The following MCC variants were observed in gnomAD, a reference collection of about 807,000 sequenced individuals.
MCC encodes the protein MCC regulator of Wnt signaling pathway.
MCC carries 90 observed loss-of-function variants against 116.2 expected under a neutral mutation model. The ratio of observed to expected loss-of-function variants is 0.77; its 90% CI spans 0.65 to 0.92. MCC has a LOEUF of 0.92. Among genes scored for constraint, MCC ranks in the 40% least tolerant of loss-of-function variants. The pLI is 0.00. For synonymous variants in MCC, 578 were observed against 510.5 expected (o/e 1.13, Z -1.78); for missense variants, 1,516 against 1,312.2 (o/e 1.16, Z -2.40).
intron 1 of MCC, among the ~76,000 whole-genome samples, chr5:113,481,827 T>C (rs1772386323): frequency 6.6e-6 from 1 of 152,226 alleles, no homozygotes; most frequent in Non-Finnish European, 1.5e-5. Flanking sequence ...CCACTGTTTT[T>C]TACTATATTC....
rs1757164511 is a variant in MCC, at chr5:113,112,628, A to G, written c.1028-8273T>C. Reference sequence around the variant, plus strand: ...GTGAAAACGGACTAATACAGCCTTGAAATCTCATTTTCCAGGAAGCCTTCC... The same window carrying G: ...GTGAAAACGGACTAATACAGCCTTGGAATCTCATTTTCCAGGAAGCCTTCC... On this transcript the variant is annotated intron_variant, in intron 6 of 18. Coordinates refer to ENST00000408903, the MANE Select transcript of MCC (RefSeq NM_001085377.2). 2.0e-5 allele frequency among the ~76,000 whole-genome samples: 3 copies of G among 152,168 alleles called. No homozygotes were observed. In the South Asian group the frequency reaches 6.2e-4, roughly 32 times the overall value.
At chr5:113,458,338 A>G (rs1771639290) in intron 1 of MCC, among the ~76,000 whole-genome samples, 1 of 152,000 alleles carries the variant, frequency 6.6e-6, no homozygotes, top group African/African-American at 2.4e-5. Flanking sequence ...GTGCCGCCTT[A>G]AGAGCTGTAA....
At chr5:113,294,695 G>C (rs1163782182) in intron 3 of MCC, 3 of 1,028,356 alleles carry the variant, frequency 2.9e-6, no homozygotes, top group Non-Finnish European at 3.5e-6. Context: ...TTCCGGGGCA[G>C]TGCCACCCTG....
chr5:113,358,147 G>A (rs1768459269), intron 2 of MCC, among the ~76,000 whole-genome samples: 2 of 152,142 alleles, frequency 1.3e-5, no homozygotes, highest in Admixed American at 6.6e-5. Flanking sequence ...TTATTGTAAA[G>A]AAAATGAAAA....
intron 9 of MCC, among the ~76,000 whole-genome samples, chr5:113,084,785 G>C (rs1464727875): frequency 6.6e-6 from 1 of 152,214 alleles, no homozygotes; most frequent in Non-Finnish European, 1.5e-5. Context: ...TCAGTCTTGT[G>C]AGTGGGGAGA....
intron 6 of MCC, among the ~76,000 whole-genome samples, chr5:113,119,026 C>G (rs1044665579): frequency 1.3e-5 from 2 of 152,224 alleles, no homozygotes; most frequent in Non-Finnish European, 2.9e-5. Context: ...CACTGCAGGC[C>G]TGCTATGGAG....
At chr5:113,197,823 C>T (rs1762486933) in intron 3 of MCC, among the ~76,000 whole-genome samples, 1 of 152,228 alleles carries the variant, frequency 6.6e-6, no homozygotes, top group African/African-American at 2.4e-5. Flanking sequence ...AGGACTTGAG[C>T]CCAAGGTGGC....
chr5:113,070,321 A>G lies in MCC; in HGVS notation c.1925+773T>C, dbSNP rs1000739244. ...ACACTAATAAAAGAAACCTATGATG[A>G]TAATAATAAGGCATAGTTTTGCAGC... is the stretch of plus-strand genomic sequence containing the variant. On this transcript the variant is annotated intron_variant, in intron 12 of 18. Transcript: ENST00000408903. 7.9e-5 allele frequency among the ~76,000 whole-genome samples: 12 copies of G among 152,238 alleles called. 1 individual carries two copies. The highest frequency in any genetic ancestry group is 7.9e-4 in the Admixed American group (12 of 15,282).
chr5:113,414,668 T>A (rs1052579370), intron 1 of MCC, among the ~76,000 whole-genome samples: 2 of 152,206 alleles, frequency 1.3e-5, no homozygotes, highest in African/African-American at 2.4e-5. Flanking sequence ...TCTCCGCACA[T>A]GAGATGGGTC....
chr5:113,294,237 G>A (rs1279264855), intron 3 of MCC: 3 of 1,511,668 alleles, frequency 2.0e-6, no homozygotes, highest in Non-Finnish European at 2.7e-6. Flanking sequence ...AGGGGGATAG[G>A]GTGTAGGGCT....
chr5:113,064,329 C>T (rs1427785628), intron 13 of MCC, among the ~76,000 whole-genome samples, 162 bp from the exon 14 acceptor site: 1 of 152,216 alleles, frequency 6.6e-6, no homozygotes, highest in African/African-American at 2.4e-5. Flanking sequence ...CTGGGCCTGG[C>T]ACTATCACTT....
chr5:113,207,465 G>A (rs1398801172), intron 3 of MCC, among the ~76,000 whole-genome samples: 2 of 136,138 alleles, frequency 1.5e-5, no homozygotes, highest in African/African-American at 2.7e-5. Context: ...AGGGTGGGGG[G>A]TGGGGTGGGC....
chr5:113,454,310 G>A (rs1208206483), intron 1 of MCC, among the ~76,000 whole-genome samples: 4 of 152,008 alleles, frequency 2.6e-5, no homozygotes, highest in Non-Finnish European at 5.9e-5. Context: ...TTACTTTGTT[G>A]CCCAGGCTCG....
At chr5:113,253,209 G>A (rs773829081) in intron 3 of MCC, among the ~76,000 whole-genome samples, 16 of 152,150 alleles carry the variant, frequency 1.1e-4, no homozygotes, top group Non-Finnish European at 1.5e-4. Flanking sequence ...CAAGAATGGA[G>A]GTGGAAGTTG....
At chr5:113,321,571 G>C (rs986210020) in intron 3 of MCC, among the ~76,000 whole-genome samples, 1 of 152,234 alleles carries the variant, frequency 6.6e-6, no homozygotes, top group Non-Finnish European at 1.5e-5. Context: ...TTCTCAATTA[G>C]AGAATTGAGA....
intron 8 of MCC, among the ~76,000 whole-genome samples, chr5:113,089,317 G>A (rs1755434742): frequency 6.6e-6 from 1 of 152,166 alleles, no homozygotes. Flanking sequence ...AAATAAAGAG[G>A]AAAAGATAAT....
intron 2 of MCC, among the ~76,000 whole-genome samples, chr5:113,384,273 C>T (rs1047033977): frequency 1.1e-4 from 16 of 152,218 alleles, no homozygotes; most frequent in African/African-American, 2.9e-4. Context: ...TTATAGAAAA[C>T]GATTTTAATC....
In MCC at chr5:113,297,459, G is replaced by A. The variant is rs371508310; in HGVS notation, c.627+43060C>T. On this transcript the variant is annotated intron_variant, in intron 3 of 18. Transcript: ENST00000408903. The stretch of plus-strand genomic sequence containing the variant: ...CAGGTGCCTGTAATCCCAGCTACTC[G>A]GGAGGCTGAGAAGGAGAATCGCTTG... 4.6e-5 allele frequency among the ~76,000 whole-genome samples: 7 copies of A among 152,154 alleles called. No individual in the cohort carries two copies. In the East Asian group the frequency reaches 5.8e-4, roughly 13 times the overall value.
rs566922270 is a variant in MCC, at chr5:113,306,296, G to A, written c.627+34223C>T. Among the ~76,000 whole-genome samples, 18 of 152,114 alleles carry A rather than the reference G, an allele frequency of 1.2e-4. No homozygotes were observed. The South Asian group carries it at 3.7e-3, about 32-fold the overall frequency. ...TAAGAATGGAATTGCTTGGTAATAG[G>A]GCAATTTTATCTTTAAGATTTTAAG... On this transcript the variant is annotated intron_variant, in intron 3 of 18. Transcript: ENST00000408903.
Sources: allele counts gnomAD v4.1 joint callset (sites outside exome capture counted in the v4.1 genomes callset), GRCh38; gene constraint gnomAD v4.1.1; transcripts MANE v1.5; gene names NCBI Gene and HGNC (gene_info 2026-07-23, HGNC 2026-07-21).